Variants in ROBO2 observed in about 807,000 individuals in gnomAD.
The protein encoded by ROBO2 is roundabout homolog 2.
Under a neutral mutation model 160.8 loss-of-function variants are expected in ROBO2, and 53 were observed. The observed-to-expected ratio is 0.33, with a 90% confidence interval of 0.26 to 0.41. The LOEUF (loss-of-function observed/expected upper bound fraction) is 0.41. Among genes scored for constraint, ROBO2 ranks in the 10% least tolerant of loss-of-function variants. ROBO2 has a pLI of 1.00. For missense variants in ROBO2, 1,577 were observed against 1,722.4 expected (o/e 0.92, Z 1.49); for synonymous variants, 664 against 611.7 (o/e 1.09, Z -1.26).
intron 2 of ROBO2, among the ~76,000 whole-genome samples, chr3:77,193,162 G>A (rs889526175): frequency 6.6e-6 from 1 of 151,864 alleles, no homozygotes; most frequent in African/African-American, 2.4e-5. Context: ...ATACTTCTTG[G>A]CTGCAGGGAA....
At chr3:76,885,908 T>G (rs1424560153) in intron 2 of ROBO2, among the ~76,000 whole-genome samples, 1 of 152,184 alleles carries the variant, frequency 6.6e-6, no homozygotes. Context: ...CTTCCTTATG[T>G]GCAACCTGAA....
intron 2 of ROBO2, among the ~76,000 whole-genome samples, chr3:77,162,873 AGGCT>A (rs2078617810): frequency 6.6e-6 from 1 of 151,862 alleles, no homozygotes; most frequent in Admixed American, 6.6e-5. Context: ...TCTGTCTCCC[AGGCT>A]GGAGTTTAGT....
chr3:76,647,039 A>G (rs1029703297), intron 2 of ROBO2, among the ~76,000 whole-genome samples: 5 of 152,130 alleles, frequency 3.3e-5, no homozygotes, highest in African/African-American at 1.2e-4. Context: ...GCCTAGGACT[A>G]GAGACTCTGA....
intron 5 of ROBO2, among the ~76,000 whole-genome samples, chr3:77,507,108 A>G (rs2088654210): frequency 1.3e-5 from 2 of 152,182 alleles, no homozygotes; most frequent in South Asian, 4.1e-4. Context: ...GAAGTGTCTG[A>G]ACCTCATTTT....
At chr3:76,545,648 A>G (rs957873559) in intron 2 of ROBO2, among the ~76,000 whole-genome samples, 2 of 151,982 alleles carry the variant, frequency 1.3e-5, no homozygotes, top group African/African-American at 4.8e-5. Flanking sequence ...ATATCTTTCT[A>G]TCATCATAAA....
At chr3:76,701,267 A>G (rs2093039736) in intron 2 of ROBO2, among the ~76,000 whole-genome samples, 1 of 152,130 alleles carries the variant, frequency 6.6e-6, no homozygotes, top group Non-Finnish European at 1.5e-5. Flanking sequence ...TTAAGAGCAT[A>G]ATCAAAAGTA....
intron 2 of ROBO2, among the ~76,000 whole-genome samples, chr3:76,445,744 T>C (rs1447142241): frequency 1.3e-5 from 2 of 151,916 alleles, no homozygotes; most frequent in African/African-American, 4.8e-5. Context: ...CATACGAAAA[T>C]CAATGAACGT....
chr3:76,773,355 GGTCA>G (rs1560536303), intron 2 of ROBO2, among the ~76,000 whole-genome samples: 1 of 150,460 alleles, frequency 6.6e-6, no homozygotes, highest in Non-Finnish European at 1.5e-5. Context: ...TTCTAAGAGT[GGTCA>G]GTCAGTCATA....
chr3:76,273,758 T>C (rs551542495), intron 2 of ROBO2, among the ~76,000 whole-genome samples: 6 of 152,096 alleles, frequency 3.9e-5, no homozygotes, highest in Non-Finnish European at 5.9e-5. Flanking sequence ...GATTCAATGA[T>C]CTCCCACCAG....
At chr3:76,341,208 A>G (rs1055641064) in intron 2 of ROBO2, among the ~76,000 whole-genome samples, 1 of 151,070 alleles carries the variant, frequency 6.6e-6, no homozygotes, top group African/African-American at 2.5e-5. Context: ...AAGAATAAAC[A>G]CAAAACTTCA....
At chr3:77,167,137 A>G (rs1020904364) in intron 2 of ROBO2, among the ~76,000 whole-genome samples, 4 of 152,152 alleles carry the variant, frequency 2.6e-5, no homozygotes, top group African/African-American at 9.7e-5. Context: ...TAAATATCTC[A>G]TCTTTGAGTA....
rs147696433 is a variant in ROBO2, at chr3:77,491,132, A to G, written c.668-2112A>G. Among the ~76,000 whole-genome samples the G allele has an allele frequency of 1.9e-4, 29 of 152,204 alleles. No individual in the cohort carries two copies. The East Asian group carries it at 5.1e-3, about 27-fold the overall frequency. ...GCTTTGTCTCTCACCACTTTCCCCA[A>G]TGTAACTAACCTGCTCACTATTCAC... On this transcript the variant is annotated intron_variant, in intron 4 of 25. Transcript: ENST00000461745.
intron 2 of ROBO2, among the ~76,000 whole-genome samples, chr3:77,327,396 G>C (rs571073702): frequency 1.3e-5 from 2 of 152,230 alleles, no homozygotes; most frequent in South Asian, 2.1e-4. Context: ...CTGGAGATGG[G>C]AGAAAGAGAA....
chr3:76,306,389 G>A (rs1234727100), intron 2 of ROBO2, among the ~76,000 whole-genome samples: 1 of 151,942 alleles, frequency 6.6e-6, no homozygotes, highest in African/African-American at 2.4e-5. Flanking sequence ...TAGTATCAGA[G>A]ATTAGTAAAA....
rs117630837 is a variant in ROBO2 at position 76,073,148 on chromosome 3, C to A, written c.109+135546C>A. On this transcript the variant is annotated intron_variant, in intron 2 of 26. Transcript: ENST00000487694. The stretch of plus-strand genomic sequence containing the variant: ...TGAAATTTGTAGGGGAGGCTGCTCT[C>A]CATAATTAAGTCTAGTATCATTATT... Among the ~76,000 whole-genome samples, 1,053 of 151,938 alleles carry A rather than the reference C, an allele frequency of 6.9e-3. 59 individuals are homozygous for A. The East Asian group carries it at 0.15, about 22-fold the overall frequency.
intron 5 of ROBO2, among the ~76,000 whole-genome samples, chr3:77,519,587 C>T (rs2090378749): frequency 6.6e-6 from 1 of 151,208 alleles, no homozygotes; most frequent in Non-Finnish European, 1.5e-5. Flanking sequence ...TCACCTTCCA[C>T]TTATAAGTGA....
At chr3:76,014,799 G>C (rs1258204351) in intron 2 of ROBO2, among the ~76,000 whole-genome samples, 1 of 152,140 alleles carries the variant, frequency 6.6e-6, no homozygotes, top group Non-Finnish European at 1.5e-5. Context: ...GCAGTGGCAC[G>C]TGCGTGTAGT....
intron 2 of ROBO2, among the ~76,000 whole-genome samples, chr3:76,557,421 T>G (rs1467357755): frequency 6.6e-6 from 1 of 151,858 alleles, no homozygotes; most frequent in Non-Finnish European, 1.5e-5. Context: ...AAGGTTTTGT[T>G]TCATTCTCGA....
intron 2 of ROBO2, among the ~76,000 whole-genome samples, chr3:76,693,179 T>C (rs1490393193): frequency 6.7e-6 from 1 of 149,826 alleles, no homozygotes; most frequent in Non-Finnish European, 1.5e-5. Context: ...ATATAGTGTA[T>C]CTATATATAG....
Sources: gnomAD v4.1 joint callset for allele counts (sites outside exome capture counted in the v4.1 genomes callset) on GRCh38, gnomAD v4.1.1 for gene constraint, MANE v1.5 for transcripts, NCBI Gene and HGNC (gene_info 2026-07-23, HGNC 2026-07-21) for gene names.